The following DEPDC4 variants were observed in gnomAD, a reference collection of about 807,000 sequenced individuals.
DEPDC4 encodes DEP domain containing 4, also known as DEP domain-containing protein 4.
A neutral mutation model predicts 52.0 loss-of-function variants in DEPDC4; 52 were observed. The ratio of observed to expected loss-of-function variants is 1.00; its 90% CI spans 0.80 to 1.26. The LOEUF (loss-of-function observed/expected upper bound fraction) is 1.26. Among genes scored for constraint, DEPDC4 ranks in the 50% most tolerant of loss-of-function variants. The probability of loss-of-function intolerance (pLI) is 0.00; values close to 1 mark genes in which losing one functional copy is unlikely to be tolerated. For synonymous variants in DEPDC4, 201 were observed against 196.8 expected (o/e 1.02, Z -0.18); for missense variants, 530 against 546.9 (o/e 0.97, Z 0.31).
chr12:100,236,088 T>A (rs1337542701), downstream of DEPDC4, among the ~76,000 whole-genome samples: 1 of 152,246 alleles, frequency 6.6e-6, no homozygotes, highest in Non-Finnish European at 1.5e-5. Flanking sequence ...TATCCACTTG[T>A]TGATTGATGG....
intron 8 of DEPDC4, among the ~76,000 whole-genome samples, chr12:100,244,834 C>G (rs943924628): frequency 4.0e-5 from 6 of 150,218 alleles, no homozygotes; most frequent in Admixed American, 6.8e-5. Context: ...TGCTGAAAAT[C>G]TCAACCACAA....
intron 7 of DEPDC4, among the ~76,000 whole-genome samples, chr12:100,249,373 G>C (rs2096198764): frequency 6.6e-6 from 1 of 152,118 alleles, no homozygotes; most frequent in Admixed American, 6.5e-5. Flanking sequence ...AATAGGCCAG[G>C]CGTGGTGGCT....
At chr12:100,274,076 A>G in the DEPDC4 span, among the ~76,000 whole-genome samples, 2 of 152,244 alleles carry the variant, frequency 1.3e-5, no homozygotes, top group African/African-American at 4.8e-5. Flanking sequence ...GCTGCTTACA[A>G]AAATGCAGCA....
intron 9 of DEPDC4, 139 bp from the exon 10 acceptor site, chr12:100,241,984 C>A (rs1032119021): frequency 1.1e-5 from 4 of 351,244 alleles, no homozygotes; most frequent in Non-Finnish European, 1.6e-5. Context: ...TCCACAGTTT[C>A]TTTCAAAAGT....
At chr12:100,250,580 T>G (rs2096203555) in intron 7 of DEPDC4, among the ~76,000 whole-genome samples, 1 of 151,730 alleles carries the variant, frequency 6.6e-6, no homozygotes, top group South Asian at 2.1e-4. Flanking sequence ...GGTAGAAAGA[T>G]GAAAAAAAAT....
chr12:100,271,260 C>CATAAAAAAAAAA (rs2096287333), upstream of DEPDC4, among the ~76,000 whole-genome samples: 1 of 83,338 alleles, frequency 1.2e-5, no homozygotes, highest in Non-Finnish European at 2.3e-5. Flanking sequence ...TGCAGAGCAG[C>CATAAAAAAAAAA]AAAAAAAAAA....
At chr12:100,251,970 GATTACA>G (rs2096209997) in intron 7 of DEPDC4, among the ~76,000 whole-genome samples, 200 bp downstream of exon 7, 1 of 152,170 alleles carries the variant, frequency 6.6e-6, no homozygotes, top group African/African-American at 2.4e-5. Context: ...AAAGTGCTGG[GATTACA>G]AGTATGAGCC....
chr12:100,248,421 T>C (rs1216777662), intron 8 of DEPDC4, among the ~76,000 whole-genome samples: 2 of 152,156 alleles, frequency 1.3e-5, no homozygotes, highest in Non-Finnish European at 2.9e-5. Context: ...TAAACAATTA[T>C]AAGTTAAAAC....
chr12:100,246,886 C>T (rs575647379), intron 8 of DEPDC4, among the ~76,000 whole-genome samples: 31 of 151,768 alleles, frequency 2.0e-4, no homozygotes, highest in African/African-American at 4.4e-4. Flanking sequence ...TGCAGTGAGC[C>T]GAGATGCGCC....
Position 100,241,604 on chromosome 12 carries a change from G to A in DEPDC4, c.*288C>T. ...ATGCTTTCTCTGAAGTGTAAGTATG[G>A]CAATTTGAGAAAACCACCAGAGAAT... On this transcript the variant is annotated 3_prime_UTR_variant, in exon 10 of 10. Transcript: ENST00000550587. 2 of 924,176 alleles carry A rather than the reference G, an allele frequency of 2.2e-6. No individual in the cohort carries two copies. The highest frequency in any genetic ancestry group is 2.7e-6 in the Non-Finnish European group (2 of 732,558). The allele number at this position is 924,176 out of a possible 1,614,324, so 57.2% of individuals were successfully genotyped here.
chr12:100,257,517 A>C (rs1466190050), intron 3 of DEPDC4, among the ~76,000 whole-genome samples: 2 of 152,198 alleles, frequency 1.3e-5, no homozygotes, highest in Admixed American at 6.5e-5. Context: ...CTGGGATTAC[A>C]GGCATGCGCC....
intron 8 of DEPDC4, among the ~76,000 whole-genome samples, chr12:100,248,205 A>C (rs2096193745): frequency 6.6e-6 from 1 of 152,134 alleles, no homozygotes; most frequent in Non-Finnish European, 1.5e-5. Flanking sequence ...CTAATATCCT[A>C]TTAATAGCAT....
At chr12:100,257,897 ATC>A (rs2096240693) in intron 3 of DEPDC4, 2 of 152,352 alleles carry the variant, frequency 1.3e-5, no homozygotes, top group East Asian at 3.9e-4. Context: ...CACAGCCATG[ATC>A]TGTTTGGTTA....
chr12:100,243,715 C>G (rs562198724), intron 8 of DEPDC4, among the ~76,000 whole-genome samples: 2 of 152,122 alleles, frequency 1.3e-5, no homozygotes, highest in South Asian at 4.2e-4. Context: ...TCTCCCTTGA[C>G]CTTGCACTGC....
chr12:100,233,499 C>T (rs185463173), intron 9 of DEPDC4, among the ~76,000 whole-genome samples: 89 of 152,244 alleles, frequency 5.8e-4, no homozygotes, highest in East Asian at 2.3e-3. Context: ...TACATTACTA[C>T]GTTGTTAATG....
chr12:100,242,018 A>G (rs899730814), intron 9 of DEPDC4, among the ~76,000 whole-genome samples, 173 bp from the exon 10 acceptor site: 8 of 152,198 alleles, frequency 5.3e-5, no homozygotes, highest in African/African-American at 1.9e-4. Flanking sequence ...CAAAACATAC[A>G]TGATTTTATT....
At chr12:100,253,446 G>A (rs1288954801) in intron 5 of DEPDC4, 43 bp downstream of exon 5, 2 of 868,750 alleles carry the variant, frequency 2.3e-6, no homozygotes, top group Admixed American at 5.8e-5. Flanking sequence ...ATTTTAAAAT[G>A]TTTTATTACA....
chr12:100,241,849 G>GAAAAAAAAAAAAAAAAACAAA lies in DEPDC4; in HGVS notation c.*47-5_*47-4insTTTGTTTTTTTTTTTTTTTTT. ...AAGGGTTGGCAAAACGTAAAGCCTG[G>GAAAAAAAAAAAAAAAAACAAA]AAAAAAAAAAAAAAAACAAAAGAAA... is the stretch of plus-strand genomic sequence containing the variant. On this transcript the variant is annotated splice_polypyrimidine_tract_variant and splice_region_variant and intron_variant, in intron 9 of 9. Coordinates refer to ENST00000550587, the MANE Select transcript of DEPDC4 (RefSeq NM_001364818.2). 1 of 1,018,648 alleles carries GAAAAAAAAAAAAAAAAACAAA rather than the reference G, an allele frequency of 9.8e-7. No homozygotes were observed. The highest frequency in any genetic ancestry group is 1.2e-6 in the Non-Finnish European group (1 of 834,542). 63.1% of individuals were successfully genotyped at this position (1,018,648 alleles called of 1,614,324 possible).
chr12:100,240,209 C>T lies in DEPDC4; in HGVS notation c.*1683G>A, dbSNP rs749637938. On this transcript the variant is annotated 3_prime_UTR_variant, in exon 10 of 10. Coordinates refer to ENST00000550587, the MANE Select transcript of DEPDC4 (RefSeq NM_001364818.2). Reference sequence around the variant, plus strand: ...TTCCTTTATTGCCCAGGCTGCAGTACAGTGGTGCAATCATAGCTCACTGCA... The same window carrying T: ...TTCCTTTATTGCCCAGGCTGCAGTATAGTGGTGCAATCATAGCTCACTGCA... 1.3e-5 allele frequency among the ~76,000 whole-genome samples: 2 copies of T among 151,624 alleles called. No individual in the cohort carries two copies. Among genetic ancestry groups the T allele is most frequent in the Non-Finnish European group, 2.9e-5 (2 of 67,926 alleles).
Sources: gnomAD v4.1 joint callset for allele counts (sites outside exome capture counted in the v4.1 genomes callset) on GRCh38, gnomAD v4.1.1 for gene constraint, MANE v1.5 for transcripts, NCBI Gene and HGNC (gene_info 2026-07-23, HGNC 2026-07-21) for gene names.